The following NEDD4 variants were observed in gnomAD, a reference collection of about 807,000 sequenced individuals.
NEDD4 encodes E3 ubiquitin-protein ligase NEDD4.
NEDD4 carries 99 observed loss-of-function variants against 144.9 expected under a neutral mutation model. That is an observed-to-expected ratio of 0.68 (90% CI 0.58 to 0.81). The LOEUF is 0.81. NEDD4 is among the 30% of genes least tolerant of loss of function. The probability of loss-of-function intolerance (pLI) is 0.00; values close to 1 mark genes in which losing one functional copy is unlikely to be tolerated. For synonymous variants in NEDD4, 318 were observed against 350.6 expected (o/e 0.91, Z 1.04); for missense variants, 985 against 1,065.9 (o/e 0.92, Z 1.06).
chr15:55,993,508 C>T lies in NEDD4; in HGVS notation c.45+3G>A. 1 of 1,597,212 alleles carries T rather than the reference C, an allele frequency of 6.3e-7. No homozygotes were observed. The highest frequency in any genetic ancestry group is 2.3e-4 in the Middle Eastern group (1 of 4,400). ...CCGCCCCGCAGCCCCGCGGTCCCCG[C>T]ACCTCGTCCTCCAGGAGCCCGAACA... On this transcript the variant is annotated splice_donor_region_variant and intron_variant, in intron 1 of 28. Coordinates refer to ENST00000435532, the MANE Select transcript of NEDD4 (RefSeq NM_006154.4).
intron 1 of NEDD4, among the ~76,000 whole-genome samples, chr15:55,974,133 G>A (rs2037660376): frequency 6.6e-6 from 1 of 152,094 alleles, no homozygotes; most frequent in South Asian, 2.1e-4. Context: ...AGAGACTACT[G>A]CGAACAACTA....
At chr15:55,860,356 T>C (rs779666792) in intron 11 of NEDD4, 51 bp downstream of exon 11, 12 of 1,562,836 alleles carry the variant, frequency 7.7e-6, no homozygotes, top group South Asian at 2.3e-5. Flanking sequence ...AATAGTATAA[T>C]ATGCATAATA....
chr15:55,964,918 C>T (rs555562988), intron 2 of NEDD4, among the ~76,000 whole-genome samples: 3 of 151,784 alleles, frequency 2.0e-5, no homozygotes, highest in Non-Finnish European at 4.4e-5. Context: ...TTGTTCCTCT[C>T]GATTTGTCAA....
Position 55,839,382 on chromosome 15 carries a change from C to T in NEDD4, c.2032-778G>A, listed in dbSNP as rs142859883. The stretch of plus-strand genomic sequence containing the variant: ...AGGAGGCCATTGTTTATACCCAGCC[C>T]GAGTTAAAGAAAAATCTCTTAATAA... On this transcript the variant is annotated intron_variant, in intron 21 of 28. Transcript: ENST00000435532. Among the ~76,000 whole-genome samples the T allele has an allele frequency of 6.9e-4, 105 of 151,980 alleles. 1 individual carries two copies. The highest frequency in any genetic ancestry group is 2.4e-3 in the African/African-American group (100 of 41,458).
intron 5 of NEDD4, among the ~76,000 whole-genome samples, chr15:55,894,247 C>T (rs1297127418): frequency 6.6e-6 from 1 of 152,016 alleles, no homozygotes; most frequent in Admixed American, 6.5e-5. Context: ...GAAAAAATAA[C>T]ACAACAATAA....
At chr15:55,846,733 C>G (rs1298660687) in intron 18 of NEDD4, among the ~76,000 whole-genome samples, 1 of 152,090 alleles carries the variant, frequency 6.6e-6, no homozygotes, top group African/African-American at 2.4e-5. Context: ...GGAAAGCAAA[C>G]TTTAAATGCC....
intron 4 of NEDD4, among the ~76,000 whole-genome samples, chr15:55,950,601 G>A (rs1417667362): frequency 1.3e-5 from 2 of 152,120 alleles, no homozygotes; most frequent in African/African-American, 4.8e-5. Flanking sequence ...CTGGTGACCC[G>A]AATAACAGCA....
At position 55,827,720 on chromosome 15, in the gene NEDD4, G is replaced by A. The variant is rs907236478; in HGVS notation, c.*2177C>T. 1 of 152,120 alleles carries A rather than the reference G, an allele frequency of 6.6e-6. No individual in the cohort carries two copies. Among genetic ancestry groups the A allele is most frequent in the Non-Finnish European group, 1.5e-5 (1 of 68,030 alleles). 9.4% of individuals were successfully genotyped at this position (152,120 alleles called of 1,614,324 possible). ...GATCCATATACAGATATACACATGT[G>A]TATCCATATTATTTATATATTTAAT... On this transcript the variant is annotated 3_prime_UTR_variant, in exon 29 of 29. Coordinates refer to ENST00000435532, the MANE Select transcript of NEDD4 (RefSeq NM_006154.4).
At chr15:55,926,345 C>A (rs933992007) in intron 4 of NEDD4, among the ~76,000 whole-genome samples, 1 of 152,178 alleles carries the variant, frequency 6.6e-6, no homozygotes, top group African/African-American at 2.4e-5. Flanking sequence ...GTCCCTTTTG[C>A]CCCTTGCATT....
chr15:55,938,196 T>C (rs902650294), intron 4 of NEDD4, among the ~76,000 whole-genome samples: 6 of 152,012 alleles, frequency 3.9e-5, no homozygotes, highest in Admixed American at 6.6e-5. Flanking sequence ...CTGTCTCTAC[T>C]AAAAATACAA....
chr15:55,848,636 A>T (rs1276927839), intron 15 of NEDD4, 61 bp from the exon 16 acceptor site: 1 of 1,440,900 alleles, frequency 6.9e-7, no homozygotes, highest in Non-Finnish European at 9.7e-7. Flanking sequence ...TGGATAGAAA[A>T]ATAGCACTGG....
intron 4 of NEDD4, 102 bp downstream of exon 4, chr15:55,951,274 C>T: frequency 1.8e-6 from 1 of 566,210 alleles, no homozygotes. Context: ...TAGGCAAATT[C>T]TGAGATACAT....
intron 5 of NEDD4, among the ~76,000 whole-genome samples, chr15:55,893,840 C>T (rs1304725226): frequency 6.7e-6 from 1 of 149,774 alleles, no homozygotes; most frequent in Non-Finnish European, 1.5e-5. Context: ...ACAAAAATCA[C>T]TGTAAATTTA....
intron 5 of NEDD4, among the ~76,000 whole-genome samples, chr15:55,891,975 T>C (rs962982370): frequency 1.8e-4 from 28 of 152,196 alleles, no homozygotes; most frequent in African/African-American, 6.7e-4. Context: ...CTATTAAATA[T>C]GAATTATAGG....
intron 2 of NEDD4, among the ~76,000 whole-genome samples, chr15:55,959,932 T>C (rs1175279183): frequency 4.6e-5 from 7 of 152,230 alleles, no homozygotes; most frequent in Admixed American, 3.9e-4. Context: ...TCAGCATCCA[T>C]AATGAATGTT....
intron 2 of NEDD4, among the ~76,000 whole-genome samples, chr15:55,953,317 C>T (rs1170484675): frequency 1.3e-5 from 2 of 152,014 alleles, no homozygotes; most frequent in African/African-American, 4.8e-5. Flanking sequence ...ATCTCTATAA[C>T]CACCTGTGAG....
intron 5 of NEDD4, among the ~76,000 whole-genome samples, chr15:55,875,404 G>T (rs1306159328): frequency 1.3e-5 from 2 of 152,106 alleles, no homozygotes; most frequent in African/African-American, 4.8e-5. Flanking sequence ...CTACTTCCTG[G>T]GTTCAAGTGA....
chr15:55,981,041 CT>C (rs752631416), intron 1 of NEDD4, among the ~76,000 whole-genome samples: 146 of 141,960 alleles, frequency 1.0e-3, no homozygotes, highest in Admixed American at 1.4e-3. Context: ...ATATTTTTTC[CT>C]TTTTTTTTTT....
chr15:55,854,084 G>C (rs1429903727), intron 12 of NEDD4, among the ~76,000 whole-genome samples: 1 of 152,104 alleles, frequency 6.6e-6, no homozygotes, highest in African/African-American at 2.4e-5. Context: ...CCAGGAGGCA[G>C]AGGTTGCAGT....
Sources: allele counts gnomAD v4.1 joint callset (sites outside exome capture counted in the v4.1 genomes callset), GRCh38; gene constraint gnomAD v4.1.1; transcripts MANE v1.5; gene names NCBI Gene and HGNC (gene_info 2026-07-23, HGNC 2026-07-21).